ZSCAN5A: variants seen among roughly 807,000 people sequenced by gnomAD.
The protein encoded by ZSCAN5A is zinc finger and SCAN domain containing 5A, also known as zinc finger and SCAN domain-containing protein 5A.
A neutral mutation model predicts 23.7 loss-of-function variants in ZSCAN5A; 12 were observed. The ratio of observed to expected loss-of-function variants is 0.51; its 90% CI spans 0.32 to 0.82. The LOEUF (loss-of-function observed/expected upper bound fraction) is 0.82, where lower values mean the gene tolerates loss of function less well. Among genes scored for constraint, ZSCAN5A ranks in the 40% least tolerant of loss-of-function variants. ZSCAN5A has a pLI of 0.03. For synonymous variants in ZSCAN5A, 257 were observed against 239.9 expected (o/e 1.07, Z -0.66); for missense variants, 597 against 617.9 (o/e 0.97, Z 0.36).
intron 2 of ZSCAN5A, among the ~76,000 whole-genome samples, chr19:56,361,352 G>A (rs1343301362): frequency 6.6e-6 from 1 of 152,112 alleles, no homozygotes. Flanking sequence ...ATCCCATTAT[G>A]GGGTATATAC....
At chr19:56,323,185 C>T (rs558934998) in intron 2 of ZSCAN5A, among the ~76,000 whole-genome samples, 9 of 151,632 alleles carry the variant, frequency 5.9e-5, no homozygotes, top group East Asian at 1.9e-4. Flanking sequence ...TGAGCCACCG[C>T]GCCCGGCCTT....
chr19:56,348,630 T>A (rs2041649277), intron 2 of ZSCAN5A, among the ~76,000 whole-genome samples: 1 of 152,228 alleles, frequency 6.6e-6, no homozygotes, highest in South Asian at 2.1e-4. Context: ...ACTCCAAGTA[T>A]GCTTTCATAG....
chr19:56,245,198 T>A (rs541884812), intron 2 of ZSCAN5A: 1 of 554,020 alleles, frequency 1.8e-6, no homozygotes, highest in South Asian at 1.9e-5. Context: ...ATAGTGAGTC[T>A]GATTGTCTTT....
Position 56,327,038 on chromosome 19 carries a change from A to G in ZSCAN5A, c.-357-10770T>C, listed in dbSNP as rs149174524. ...CTCAAAATAGTCATGTGACACTTAC[A>G]TGAATATAGAAAAGCTACAGTGATT... is the stretch of plus-strand genomic sequence containing the variant. On this transcript the variant is annotated intron_variant, in intron 2 of 6. Coordinates refer to the ZSCAN5A transcript ENST00000587340. Among the ~76,000 whole-genome samples, 72 of 151,228 alleles carry G rather than the reference A, an allele frequency of 4.8e-4. 1 individual carries two copies. The highest frequency in any genetic ancestry group is 1.7e-3 in the African/African-American group (70 of 40,780).
At chr19:56,223,233 G>T (rs1315196221) in intron 4 of ZSCAN5A, among the ~76,000 whole-genome samples, 1 of 152,126 alleles carries the variant, frequency 6.6e-6, no homozygotes, top group African/African-American at 2.4e-5. Flanking sequence ...TGTCCGGAAA[G>T]GCAGAATCAC....
At chr19:56,284,324 A>C in intron 2 of ZSCAN5A, 1 of 246,900 alleles carries the variant, frequency 4.1e-6, no homozygotes, top group Non-Finnish European at 6.5e-6. Context: ...TGGGTTTTAG[A>C]TGATAAAAAT....
intron 2 of ZSCAN5A, among the ~76,000 whole-genome samples, chr19:56,299,444 T>TA (rs57347831): frequency 0.084 from 11,991 of 143,168 alleles, 952 homozygotes; most frequent in African/African-American, 0.2. Flanking sequence ...TGTTCATGAT[T>TA]AAAAAAAAAA....
chr19:56,267,528 C>T (rs2037560147), intron 2 of ZSCAN5A, among the ~76,000 whole-genome samples: 1 of 152,328 alleles, frequency 6.6e-6, no homozygotes, highest in Non-Finnish European at 1.5e-5. Context: ...TCCTTAGTTG[C>T]ATTAGCGTCA....
chr19:56,337,953 G>A (rs925599127), intron 2 of ZSCAN5A, among the ~76,000 whole-genome samples: 1 of 152,044 alleles, frequency 6.6e-6, no homozygotes, highest in African/African-American at 2.4e-5. Flanking sequence ...TTGCATTTTT[G>A]ATTACTAGTT....
intron 1 of ZSCAN5A, chr19:56,367,723 ATAAAGAT>A (rs530049728): frequency 5.2e-5 from 8 of 152,406 alleles, no homozygotes; most frequent in Non-Finnish European, 1.0e-4. Context: ...ACTGAAGCTC[ATAAAGAT>A]TAAACAATTA....
chr19:56,243,537 C>A (rs11880705), intron 2 of ZSCAN5A, among the ~76,000 whole-genome samples: 3 of 151,978 alleles, frequency 2.0e-5, no homozygotes, highest in East Asian at 3.8e-4. Flanking sequence ...TATCTTTGTG[C>A]GTAATTATGA....
At chr19:56,299,784 G>C (rs2040111633) in intron 2 of ZSCAN5A, 1 of 152,084 alleles carries the variant, frequency 6.6e-6, no homozygotes, top group South Asian at 2.1e-4. Flanking sequence ...TATTTTTATT[G>C]GGATTTTAAA....
chr19:56,229,892 G>A (rs571454824), intron 2 of ZSCAN5A, among the ~76,000 whole-genome samples: 7 of 152,106 alleles, frequency 4.6e-5, no homozygotes, highest in African/African-American at 1.7e-4. Flanking sequence ...CCACTAGCTT[G>A]TTGGTGTATA....
chr19:56,285,658 T>A (rs1295500581), intron 2 of ZSCAN5A, among the ~76,000 whole-genome samples: 1 of 152,212 alleles, frequency 6.6e-6, no homozygotes, highest in Non-Finnish European at 1.5e-5. Flanking sequence ...TTTTTGTATT[T>A]TTAGTAGAGA....
chr19:56,260,510 G>C (rs2037050754), intron 2 of ZSCAN5A, among the ~76,000 whole-genome samples: 1 of 151,834 alleles, frequency 6.6e-6, no homozygotes, highest in African/African-American at 2.4e-5. Flanking sequence ...CACCGCGCCT[G>C]GGCTTTTTTT....
At chr19:56,228,983 T>A (rs529459546) in intron 2 of ZSCAN5A, among the ~76,000 whole-genome samples, 3 of 152,326 alleles carry the variant, frequency 2.0e-5, no homozygotes, top group East Asian at 3.9e-4. Context: ...GGGTGGTTTA[T>A]AGATACACTG....
At chr19:56,275,204 G>C (rs940380573) in intron 2 of ZSCAN5A, among the ~76,000 whole-genome samples, 6 of 152,072 alleles carry the variant, frequency 3.9e-5, no homozygotes, top group African/African-American at 1.4e-4. Flanking sequence ...GAGAAATTTT[G>C]AGGCTATGCG....
intron 2 of ZSCAN5A, chr19:56,228,305 C>A (rs1407018872): frequency 1.0e-6 from 1 of 985,270 alleles, no homozygotes; most frequent in African/African-American, 1.7e-5. Flanking sequence ...GCTCTCCAAC[C>A]GGCCTGGAGC....
chr19:56,245,588 T>C (rs563419985), intron 2 of ZSCAN5A, among the ~76,000 whole-genome samples: 1 of 152,076 alleles, frequency 6.6e-6, no homozygotes, highest in Non-Finnish European at 1.5e-5. Flanking sequence ...TCACAGAGAA[T>C]GAAGCCTCAT....
Sources: allele counts gnomAD v4.1 joint callset (sites outside exome capture counted in the v4.1 genomes callset), GRCh38; gene constraint gnomAD v4.1.1; transcripts MANE v1.5; gene names NCBI Gene and HGNC (gene_info 2026-07-23, HGNC 2026-07-21).